The following STEAP2 variants were observed in gnomAD, a reference collection of about 807,000 sequenced individuals.
STEAP2 encodes STEAP2 metalloreductase, also known as metalloreductase STEAP2.
STEAP2 carries 30 observed loss-of-function variants against 46.4 expected under a neutral mutation model. That is an observed-to-expected ratio of 0.65 (90% confidence interval 0.48 to 0.88). The LOEUF (loss-of-function observed/expected upper bound fraction) is 0.88. STEAP2 is among the 40% of genes least tolerant of loss of function. The pLI is 0.00. For missense variants in STEAP2, 513 were observed against 579.3 expected (o/e 0.89, Z 1.18); for synonymous variants, 180 against 200.5 (o/e 0.90, Z 0.86).
Position 90,233,199 on chromosome 7 carries a change from C to T in STEAP2, c.*575C>T, listed in dbSNP as rs1795831003. ...AGCAATGTGATTATATGAAGAGACA[C>T]AAATTAAAAAGACAAATTAAACCTG... On this transcript the variant is annotated 3_prime_UTR_variant, in exon 6 of 6. Transcript: ENST00000394621. 3.1e-6 allele frequency: 3 copies of T among 969,154 alleles called. No homozygotes were observed. The highest frequency in any genetic ancestry group is 9.6e-5 in the South Asian group (2 of 20,940). 60.0% of individuals were successfully genotyped at this position (969,154 alleles called of 1,614,324 possible).
At chr7:90,232,066 GATAAA>G (rs550614117) in intron 5 of STEAP2, among the ~76,000 whole-genome samples, 7 of 151,794 alleles carry the variant, frequency 4.6e-5, no homozygotes, top group African/African-American at 1.5e-4. Context: ...AAATGTTCTT[GATAAA>G]ATAAATGAAG....
rs1257278344 is a variant in STEAP2 at position 90,225,470 on chromosome 7, G to C, written c.388G>C (p.Ala130Pro). 1 of 1,613,832 alleles carries C rather than the reference G, an allele frequency of 6.2e-7. No homozygotes were observed. The highest frequency in any genetic ancestry group is 8.5e-7 in the Non-Finnish European group (1 of 1,179,910). The change falls in exon 3 of 6, where the codon GCT becomes CCT. Residue 130 changes from alanine (A) to proline (P), a missense_variant. Transcript: ENST00000394621. ...MRINQYPESN[A>P]EYLASLFPDS... ...GATAAACCAGTACCCAGAATCCAAT[G>C]CTGAATATTTGGCTTCATTATTCCC...
Position 90,227,113 on chromosome 7 carries a change from G to A in STEAP2, c.635G>A (p.Trp212Ter). ...TTACCCCTACGACTCTTTACTCTCT[G>A]GAGAGGGCCAGTGGTGGTAGCTATA... ...ENLPLRLFTL[W>*]RGPVVVAISL... Residue 212 changes from tryptophan (W) to a stop codon, truncating the protein, a stop_gained, in exon 4 of 6, where the codon TGG (tryptophan) becomes TAG (stop). Coordinates refer to ENST00000394621, the MANE Select transcript of STEAP2 (RefSeq NM_001244944.2). LOFTEE classifies it high-confidence loss of function. 2.5e-6 allele frequency: 4 copies of A among 1,613,854 alleles called. No individual in the cohort carries two copies. The highest frequency in any genetic ancestry group is 3.4e-6 in the Non-Finnish European group (4 of 1,179,880).
intron 4 of STEAP2, among the ~76,000 whole-genome samples, chr7:90,228,201 G>A (rs1456187504): frequency 6.6e-6 from 1 of 152,172 alleles, no homozygotes; most frequent in African/African-American, 2.4e-5. Flanking sequence ...GGGTTTCCCT[G>A]AAGCTGTTTG....
At position 90,232,355 on chromosome 7, in the gene STEAP2, GC is replaced by G. The variant is rs768224534; in HGVS notation, c.1205del (p.Ala402ValfsTer4). 1 of 1,606,304 alleles carries G rather than the reference GC, an allele frequency of 6.2e-7. No individual in the cohort carries two copies. The highest frequency in any genetic ancestry group is 1.7e-5 in the Admixed American group (1 of 59,592). ...GCCCAAGTCTACACTTGGATATGTC[GC>G]TCTGCTCATAAGTACTTTCCATGTT... ...SFIQSTLGYV[A>X]LLISTFHVLI... On this transcript the variant is annotated frameshift_variant, in exon 6 of 6. Transcript: ENST00000394621.
intron 4 of STEAP2, among the ~76,000 whole-genome samples, chr7:90,228,309 A>G (rs1353957920): frequency 6.6e-6 from 1 of 152,164 alleles, no homozygotes; most frequent in East Asian, 1.9e-4. Flanking sequence ...TAGTCCAAGT[A>G]TGTGGCATCT....
chr7:90,234,453 C>G lies in STEAP2; in HGVS notation c.*1829C>G. ...ATTTAGTAGAGGCTACCTTTCCCACCAGTGACTCTTTTTCTACAACTGCCT... is the reference window on the plus strand; with the variant it reads ...ATTTAGTAGAGGCTACCTTTCCCACGAGTGACTCTTTTTCTACAACTGCCT... On this transcript the variant is annotated 3_prime_UTR_variant, in exon 6 of 6. Coordinates refer to ENST00000394621, the MANE Select transcript of STEAP2 (RefSeq NM_001244944.2). The G allele has an allele frequency of 2.0e-6, 2 of 985,048 alleles. No homozygotes were observed. Among genetic ancestry groups the G allele is most frequent in the Non-Finnish European group, 2.4e-6 (2 of 829,716 alleles). The allele number at this position is 985,048 out of a possible 1,614,324, so 61.0% of individuals were successfully genotyped here.
At chr7:90,212,814 C>T (rs1794871564) in intron 1 of STEAP2, among the ~76,000 whole-genome samples, 1 of 150,558 alleles carries the variant, frequency 6.6e-6, no homozygotes, top group African/African-American at 2.5e-5. Context: ...AATTCAGACT[C>T]CTGCCCCACC....
intron 2 of STEAP2, among the ~76,000 whole-genome samples, chr7:90,218,300 T>C (rs1795113980): frequency 6.6e-6 from 1 of 152,166 alleles, no homozygotes; most frequent in Admixed American, 6.5e-5. Context: ...TTTTTTGTTG[T>C]TGTTGCTGTG....
At chr7:90,242,104 C>A (rs1796070672), downstream of STEAP2, among the ~76,000 whole-genome samples, 1 of 152,044 alleles carries the variant, frequency 6.6e-6, no homozygotes, top group African/African-American at 2.4e-5. Context: ...AATTACAAAG[C>A]TGAGTCTATT....
downstream of STEAP2, chr7:90,238,185 C>G: frequency 1.4e-6 from 1 of 716,572 alleles, no homozygotes; most frequent in South Asian, 1.5e-5. Context: ...TTGAGGAGTC[C>G]TGTACACTGT....
At chr7:90,219,902 T>G (rs1036958432) in intron 2 of STEAP2, among the ~76,000 whole-genome samples, 1 of 152,052 alleles carries the variant, frequency 6.6e-6, no homozygotes, top group South Asian at 2.1e-4. Context: ...TTGTTTAAAT[T>G]TTTTGTAGAG....
intron 2 of STEAP2, among the ~76,000 whole-genome samples, chr7:90,218,431 G>A (rs187970452): frequency 2.3e-4 from 35 of 152,184 alleles, no homozygotes; most frequent in Admixed American, 1.0e-3. Context: ...TTGACCTTGC[G>A]TTGATTTTTG....
Position 90,236,349 on chromosome 7 carries a change from TAA to T in STEAP2, c.*3727_*3728del. 1.0e-6 allele frequency: 1 copy of T among 982,976 alleles called. No homozygotes were observed. 60.9% of individuals were successfully genotyped at this position (982,976 alleles called of 1,614,324 possible). ...TATGAAATCCCTGTTTTGAAATACG[TAA>T]ACAGCCTAAAATGTGTTGAAATTAT... On this transcript the variant is annotated 3_prime_UTR_variant, in exon 6 of 6. Transcript: ENST00000394621.
intron 4 of STEAP2, among the ~76,000 whole-genome samples, chr7:90,229,437 G>A (rs1174737370): frequency 1.3e-5 from 2 of 152,106 alleles, no homozygotes; most frequent in African/African-American, 4.8e-5. Flanking sequence ...TTCCCTGACC[G>A]GATCCAAGTT....
intron 1 of STEAP2, among the ~76,000 whole-genome samples, chr7:90,214,980 G>A (rs1275333999): frequency 1.3e-5 from 2 of 152,250 alleles, no homozygotes; most frequent in Admixed American, 6.5e-5. Flanking sequence ...AGGGTAGAGA[G>A]GATGACCATG....
rs560061816 is a variant in STEAP2 at position 90,211,953 on chromosome 7, G to A, written c.-239G>A. On this transcript the variant is annotated 5_prime_UTR_variant, in exon 1 of 6. Transcript: ENST00000394621. ...GTCGGAGGTGCAGTCCGTAGGCCCT[G>A]GCCCCCGGGTGGGCCCTTGGGGAGT... 7.2e-4 allele frequency: 110 copies of A among 152,478 alleles called. No individual in the cohort carries two copies. The highest frequency in any genetic ancestry group is 2.6e-3 in the African/African-American group (107 of 41,598). The allele number at this position is 152,478 out of a possible 1,614,324, so 9.4% of individuals were successfully genotyped here.
intron 5 of STEAP2, among the ~76,000 whole-genome samples, chr7:90,230,796 G>A (rs1393312917): frequency 6.6e-6 from 1 of 150,878 alleles, no homozygotes; most frequent in Non-Finnish European, 1.5e-5. Flanking sequence ...ACAGATTCAT[G>A]TCCTTTGGTG....
At chr7:90,229,090 A>G (rs892047604) in intron 4 of STEAP2, among the ~76,000 whole-genome samples, 5 of 152,212 alleles carry the variant, frequency 3.3e-5, no homozygotes, top group African/African-American at 1.2e-4. Context: ...AAGGAGTCCA[A>G]TACTTGATTT....
Sources: gnomAD v4.1 joint callset for allele counts (sites outside exome capture counted in the v4.1 genomes callset) on GRCh38, gnomAD v4.1.1 for gene constraint, MANE v1.5 for transcripts, NCBI Gene and HGNC (gene_info 2026-07-23, HGNC 2026-07-21) for gene names.